The following DCHS2 variants were observed in gnomAD, a reference collection of about 807,000 sequenced individuals.
DCHS2 encodes the protein dachsous cadherin-related 2, also known as protocadherin-23.
DCHS2 carries 142 observed loss-of-function variants against 182.4 expected under a neutral mutation model. The ratio of observed to expected loss-of-function variants is 0.78; its 90% CI spans 0.68 to 0.89. The LOEUF (loss-of-function observed/expected upper bound fraction) is 0.89. Ranked by LOEUF, DCHS2 falls within the 40% of genes least tolerant of loss-of-function variation. DCHS2 has a pLI of 0.00. For missense variants in DCHS2, 4,319 were observed against 4,198.6 expected (o/e 1.03, Z -0.79); for synonymous variants, 1,740 against 1,663.3 (o/e 1.05, Z -1.12).
chr4:154,334,801 C>T (rs1193528577), intron 4 of DCHS2, 67 bp downstream of exon 4: 18 of 1,272,482 alleles, frequency 1.4e-5, no homozygotes, highest in Admixed American at 5.3e-5. Flanking sequence ...AAGATTGTAC[C>T]GCCTACAAAA....
Position 154,240,764 on chromosome 4 carries a change from C to G in DCHS2, c.7132G>C (p.Ala2378Pro). The G allele has an allele frequency of 6.2e-7, 1 of 1,613,896 alleles. No individual in the cohort carries two copies. Among genetic ancestry groups the G allele is most frequent in the Non-Finnish European group, 8.5e-7 (1 of 1,179,882 alleles). ...VSVHDVDLNS[A>P]FIFSFAKESN... The stretch of plus-strand genomic sequence containing the variant: ...TCTTTGGCAAAACTGAATATGAAAG[C>G]TGAATTCAAATCCACATCATGAACT... Residue 2378 changes from alanine (A) to proline (P), a missense_variant, in exon 18 of 20, where the codon GCT becomes CCT. Coordinates refer to ENST00000357232, the MANE Select transcript of DCHS2 (RefSeq NM_001358235.2).
intron 13 of DCHS2, among the ~76,000 whole-genome samples, chr4:154,274,795 G>A (rs1733759716): frequency 1.3e-5 from 2 of 151,952 alleles, no homozygotes; most frequent in Non-Finnish European, 2.9e-5. Context: ...CAGGATCACT[G>A]TAAGCCAAAA....
chr4:154,402,612 G>A (rs781467420), intron 1 of DCHS2, among the ~76,000 whole-genome samples: 1 of 152,208 alleles, frequency 6.6e-6, no homozygotes, highest in Non-Finnish European at 1.5e-5. Flanking sequence ...CAGGTCAGAA[G>A]GTGAATGAGG....
chr4:154,352,188 T>C (rs1036613077), intron 3 of DCHS2, among the ~76,000 whole-genome samples: 2 of 152,198 alleles, frequency 1.3e-5, no homozygotes, highest in South Asian at 2.1e-4. Flanking sequence ...ATTTTCTATA[T>C]GGACTTCCAA....
At chr4:154,437,181 T>G (rs1733815227) in intron 1 of DCHS2, among the ~76,000 whole-genome samples, 2 of 152,160 alleles carry the variant, frequency 1.3e-5, no homozygotes, top group Admixed American at 1.3e-4. Context: ...AGGAGCTTAT[T>G]AAAAATGCAG....
intron 13 of DCHS2, among the ~76,000 whole-genome samples, chr4:154,294,373 A>G (rs1417675781): frequency 6.6e-6 from 1 of 152,204 alleles, no homozygotes; most frequent in Non-Finnish European, 1.5e-5. Context: ...ATAGTTAAAG[A>G]TGTATGAAGC....
chr4:154,257,912 A>G (rs1393585746), intron 15 of DCHS2, among the ~76,000 whole-genome samples: 1 of 152,192 alleles, frequency 6.6e-6, no homozygotes. Flanking sequence ...CCTGGGCTTT[A>G]TATGGGTCTT....
At chr4:154,465,184 C>A (rs910175458) in intron 1 of DCHS2, among the ~76,000 whole-genome samples, 7 of 152,102 alleles carry the variant, frequency 4.6e-5, no homozygotes, top group African/African-American at 1.7e-4. Flanking sequence ...AATCAAGGTG[C>A]CAGATCGAGC....
At position 154,234,434 on chromosome 4, in the gene DCHS2, C is replaced by A; in HGVS notation, c.*102G>T. On this transcript the variant is annotated 3_prime_UTR_variant, in exon 20 of 20. Coordinates refer to ENST00000357232, the MANE Select transcript of DCHS2 (RefSeq NM_001358235.2). The stretch of plus-strand genomic sequence containing the variant: ...AACTCTAACTAAATTACATCACTTG[C>A]TTTTAGATAAAAATGAGCCCAATCT... The A allele has an allele frequency of 1.4e-6, 2 of 1,406,318 alleles. No homozygotes were observed. Among genetic ancestry groups the A allele is most frequent in the Admixed American group, 3.0e-5 (1 of 33,672 alleles). The allele number at this position is 1,406,318 out of a possible 1,614,324, so 87.1% of individuals were successfully genotyped here. A position where few individuals can be genotyped will look rare whatever the true frequency, so the allele number is the denominator to read the frequency against.
chr4:154,416,620 A>AGATC (rs1363917393), intron 1 of DCHS2, among the ~76,000 whole-genome samples: 1 of 152,212 alleles, frequency 6.6e-6, no homozygotes, highest in African/African-American at 2.4e-5. Context: ...TGAGCCCCTC[A>AGATC]GATCACACGG....
At chr4:154,389,536 A>ATATATATATATATATATATATATATATC (rs1485000004) in intron 1 of DCHS2, among the ~76,000 whole-genome samples, 1 of 144,536 alleles carries the variant, frequency 6.9e-6, no homozygotes, top group Non-Finnish European at 1.5e-5. Flanking sequence ...ATATATATAT[A>ATATATATATATATATATATATATATATC]ACCTTTTTTT....
chr4:154,405,031 G>A (rs1024420112), intron 1 of DCHS2, among the ~76,000 whole-genome samples: 3 of 152,132 alleles, frequency 2.0e-5, no homozygotes, highest in Non-Finnish European at 4.4e-5. Context: ...TGGATCACCT[G>A]AGGTCAGGAG....
intron 1 of DCHS2, among the ~76,000 whole-genome samples, chr4:154,394,345 G>T (rs1234692510): frequency 1.3e-5 from 2 of 152,112 alleles, no homozygotes; most frequent in African/African-American, 4.8e-5. Flanking sequence ...TAGGCACAAG[G>T]CCCCCCTCAG....
At chr4:154,313,613 T>C (rs1244802798) in intron 10 of DCHS2, among the ~76,000 whole-genome samples, 1 of 152,174 alleles carries the variant, frequency 6.6e-6, no homozygotes, top group Non-Finnish European at 1.5e-5. Context: ...TGTTTCATTG[T>C]TTTAACCCAA....
intron 1 of DCHS2, among the ~76,000 whole-genome samples, chr4:154,426,016 C>T (rs1474023890): frequency 6.6e-6 from 1 of 152,172 alleles, no homozygotes; most frequent in African/African-American, 2.4e-5. Context: ...CCTCCCCTGC[C>T]CTATTTTTTG....
At position 154,265,911 on chromosome 4, in the gene DCHS2, C is replaced by A. The variant is rs1733232142; in HGVS notation, c.6577+3989G>T. Among the ~76,000 whole-genome samples, 3 of 152,064 alleles carry A rather than the reference C, an allele frequency of 2.0e-5. No homozygotes were observed. The South Asian group carries it at 6.2e-4, about 32-fold the overall frequency. The stretch of plus-strand genomic sequence containing the variant: ...GAATGTTTGAAACTGTGGATGGTAC[C>A]AAACCCTATATATACTATGCTTTTT... On this transcript the variant is annotated intron_variant, in intron 14 of 19. Transcript: ENST00000357232.
At chr4:154,386,449 T>C (rs1181669455) in intron 1 of DCHS2, among the ~76,000 whole-genome samples, 3 of 152,202 alleles carry the variant, frequency 2.0e-5, no homozygotes, top group South Asian at 2.1e-4. Flanking sequence ...CAGGCCTTGA[T>C]TGATGCTCTA....
chr4:154,343,286 T>C (rs937355281), intron 3 of DCHS2, among the ~76,000 whole-genome samples: 1 of 152,194 alleles, frequency 6.6e-6, no homozygotes, highest in African/African-American at 2.4e-5. Context: ...AATGATAAAT[T>C]AGCATTGTTC....
At chr4:154,316,493 G>A (rs1399397164) in intron 9 of DCHS2, among the ~76,000 whole-genome samples, 1 of 152,132 alleles carries the variant, frequency 6.6e-6, no homozygotes, top group Non-Finnish European at 1.5e-5. Flanking sequence ...GCCAGGTGTA[G>A]TGGCTCAGGC....
Sources: gnomAD v4.1 joint callset for allele counts (sites outside exome capture counted in the v4.1 genomes callset) on GRCh38, gnomAD v4.1.1 for gene constraint, MANE v1.5 for transcripts, NCBI Gene and HGNC (gene_info 2026-07-23, HGNC 2026-07-21) for gene names.